Variants in FARP2 observed in about 807,000 individuals in gnomAD.
The protein encoded by FARP2 is FERM, ARH/RhoGEF and pleckstrin domain protein 2.
A neutral mutation model predicts 130.5 loss-of-function variants in FARP2; 111 were observed. The observed-to-expected ratio is 0.85, with a 90% CI of 0.73 to 1.00. The LOEUF (loss-of-function observed/expected upper bound fraction) is 1.00. Ranked by LOEUF, FARP2 falls within the 50% of genes least tolerant of loss-of-function variation. The probability of loss-of-function intolerance (pLI) is 0.00; values close to 1 mark genes in which losing one functional copy is unlikely to be tolerated. For missense variants in FARP2, 1,385 were observed against 1,346.3 expected, an observed-to-expected ratio of 1.03 and a Z score of -0.45; for synonymous variants, 504 against 516.9, an observed-to-expected ratio of 0.98 and a Z score of 0.34.
At chr2:241,455,393 G>A (rs2063803004) in intron 13 of FARP2, among the ~76,000 whole-genome samples, 1 of 152,144 alleles carries the variant, frequency 6.6e-6, no homozygotes, top group South Asian at 2.1e-4. Flanking sequence ...AGTTTTGTTT[G>A]TTTTGAGATG....
At chr2:241,440,335 C>T (rs187668224) in intron 12 of FARP2, among the ~76,000 whole-genome samples, 2 of 152,278 alleles carry the variant, frequency 1.3e-5, no homozygotes, top group Non-Finnish European at 2.9e-5. Flanking sequence ...TGATAGCGCG[C>T]GAGGAGTGAC....
Position 241,484,195 on chromosome 2 carries a change from G to A in FARP2, c.2332-47G>A, listed in dbSNP as rs933320192. On this transcript the variant is annotated intron_variant, in intron 20 of 26. Coordinates refer to ENST00000264042, the MANE Select transcript of FARP2 (RefSeq NM_014808.4). ...GAGTCCAAGTTGGTCTGACTATTAA[G>A]ACACTTGTTTGTGAAGTTCATGGAT... 1.2e-5 allele frequency: 19 copies of A among 1,612,466 alleles called. No individual in the cohort carries two copies. The East Asian group carries it at 4.2e-4, about 36-fold the overall frequency.
chr2:241,435,510 A>ATTT (rs374376821), intron 11 of FARP2, among the ~76,000 whole-genome samples: 11 of 134,526 alleles, frequency 8.2e-5, no homozygotes, highest in East Asian at 2.2e-4. Flanking sequence ...TGGATTTGTA[A>ATTT]TTTTTTTTTT....
chr2:241,467,641 CA>C (rs397957562), intron 17 of FARP2, among the ~76,000 whole-genome samples: 348 of 111,948 alleles, frequency 3.1e-3, no homozygotes, highest in Admixed American at 4.8e-3. Context: ...GATCCAGTCT[CA>C]AAAAAAAAAA....
At chr2:241,452,562 G>A (rs1272681160) in intron 13 of FARP2, among the ~76,000 whole-genome samples, 2 of 152,022 alleles carry the variant, frequency 1.3e-5, no homozygotes, top group African/African-American at 4.8e-5. Context: ...TAGCTACACA[G>A]AAGGCTAAGG....
At chr2:241,466,672 T>G in intron 17 of FARP2, 1 of 893,196 alleles carries the variant, frequency 1.1e-6, no homozygotes, top group African/African-American at 2.1e-5. Flanking sequence ...AGCCCCGCCT[T>G]CACTCCCCTT....
chr2:241,452,471 T>C (rs1485746858), intron 13 of FARP2, among the ~76,000 whole-genome samples: 1 of 152,132 alleles, frequency 6.6e-6, no homozygotes, highest in Non-Finnish European at 1.5e-5. Context: ...TAATTTGAAG[T>C]AGGCTTGATT....
intron 1 of FARP2, among the ~76,000 whole-genome samples, chr2:241,363,617 G>GA (rs1339958798): frequency 6.6e-6 from 1 of 152,376 alleles, no homozygotes; most frequent in East Asian, 1.9e-4. Context: ...ACTCGGCTAT[G>GA]GGATAGACCA....
intron 11 of FARP2, among the ~76,000 whole-genome samples, chr2:241,435,269 TG>T (rs1182531823): frequency 2.0e-5 from 3 of 149,584 alleles, no homozygotes; most frequent in Non-Finnish European, 4.5e-5. Flanking sequence ...TAGTTTTTTT[TG>T]TTTTTTTTTT....
Position 241,462,540 on chromosome 2 carries a change from G to A in FARP2, c.1605G>A (p.Glu535=), listed in dbSNP as rs1435118185. Residue 535 remains glutamate (E), a synonymous_variant, in exon 15 of 27, where the codon GAG becomes GAA. Coordinates refer to ENST00000264042, the MANE Select transcript of FARP2 (RefSeq NM_014808.4). The part of the protein sequence containing the change: ...EPRHKRVPAD[E]AYFIVKEILA... ...TCTTTCAGCGCGTGCCTGCAGACGAGGCCTACTTCATAGTCAAAGAGATTC... is the reference window on the plus strand; with the variant it reads ...TCTTTCAGCGCGTGCCTGCAGACGAAGCCTACTTCATAGTCAAAGAGATTC... 3 of 1,613,814 alleles carry A rather than the reference G, an allele frequency of 1.9e-6. No individual in the cohort carries two copies. The highest frequency in any genetic ancestry group is 2.5e-6 in the Non-Finnish European group (3 of 1,179,734).
At chr2:241,392,842 C>T (rs532045575) in intron 2 of FARP2, among the ~76,000 whole-genome samples, 2 of 151,590 alleles carry the variant, frequency 1.3e-5, no homozygotes, top group East Asian at 3.9e-4. Flanking sequence ...ACTTAGGAGG[C>T]TGAGGCAGGA....
At chr2:241,384,793 C>G (rs1234001068) in intron 2 of FARP2, among the ~76,000 whole-genome samples, 1 of 152,150 alleles carries the variant, frequency 6.6e-6, no homozygotes, top group East Asian at 1.9e-4. Flanking sequence ...CTTAAAGGCT[C>G]TAGACATTAC....
rs559740564 is a variant in FARP2, at chr2:241,459,100, T to C, written c.1587+2178T>C. Among the ~76,000 whole-genome samples, 4 of 152,262 alleles carry C rather than the reference T, an allele frequency of 2.6e-5. No individual in the cohort carries two copies. Among genetic ancestry groups the C allele is most frequent in the Admixed American group, 6.5e-5 (1 of 15,292 alleles). On this transcript the variant is annotated intron_variant, in intron 14 of 26. Transcript: ENST00000264042. This position sits in a 1 kb window ranked among gnomAD's most constrained non-coding sequence, Gnocchi z 5.3. ...TCTGCTTCAATTCTGTGTGTGTGAG[T>C]TGAGATAGCAAGGCTGTTGCCCAGC... is the stretch of plus-strand genomic sequence containing the variant.
intron 19 of FARP2, among the ~76,000 whole-genome samples, chr2:241,479,233 G>A (rs1033095795): frequency 6.6e-6 from 1 of 152,200 alleles, no homozygotes; most frequent in Non-Finnish European, 1.5e-5. Context: ...CTTGAGGGGG[G>A]CCAGAGACTG....
intron 19 of FARP2, among the ~76,000 whole-genome samples, chr2:241,481,056 CAAAA>C (rs34996407): frequency 1.0e-4 from 11 of 105,172 alleles, no homozygotes; most frequent in African/African-American, 1.8e-4. Flanking sequence ...TTGTCTCTAC[CAAAA>C]AAAAAAAAAA....
chr2:241,399,859 G>GCTTA (rs1197220179), intron 2 of FARP2, among the ~76,000 whole-genome samples: 1 of 152,140 alleles, frequency 6.6e-6, no homozygotes, highest in African/African-American at 2.4e-5. Flanking sequence ...TGGAGTCAGT[G>GCTTA]CTTATTTTCA....
At chr2:241,492,357 G>A (rs1358537879) in intron 24 of FARP2, among the ~76,000 whole-genome samples, 4 of 152,276 alleles carry the variant, frequency 2.6e-5, no homozygotes, top group South Asian at 2.1e-4. Flanking sequence ...GCCAGTCCAG[G>A]ACACCTGAGA....
chr2:241,422,414 CAGAA>C (rs1402023292), intron 8 of FARP2, among the ~76,000 whole-genome samples: 1 of 148,776 alleles, frequency 6.7e-6, no homozygotes, highest in African/African-American at 2.5e-5. Flanking sequence ...AAAAAAAAAA[CAGAA>C]AACAACAACA....
chr2:241,456,886 C>T lies in FARP2; in HGVS notation c.1551C>T (p.Gly517=), dbSNP rs559265413. 138 of 1,609,134 alleles carry T rather than the reference C, an allele frequency of 8.6e-5. 2 individuals are homozygous for T. In the South Asian group the frequency reaches 1.2e-3, roughly 14 times the overall value. The change falls in exon 14 of 27, where the codon GGC becomes GGT. Residue 517 remains glycine (G), a synonymous_variant. Transcript: ENST00000264042. ...TGAGCCCTGTCCTCAGTGATGCTGG[C>T]GGAGCCGGGATGGACTGCGAGGAGC... ...PLLSPVLSDA[G]GAGMDCEEPR... is the part of the protein sequence containing the mutation.
Sources: gnomAD v4.1 joint callset for allele counts (sites outside exome capture counted in the v4.1 genomes callset) on GRCh38, gnomAD v4.1.1 for gene constraint, Gnocchi (gnomAD v3.1) non-coding constraint, MANE v1.5 for transcripts, NCBI Gene and HGNC (gene_info 2026-07-23, HGNC 2026-07-21) for gene names.